RAX2: variants seen among roughly 807,000 people sequenced by gnomAD.
RAX2 encodes the protein retina and anterior neural fold homeobox protein 2.
A neutral mutation model predicts 5.8 loss-of-function variants in RAX2; 4 were observed. The observed-to-expected ratio is 0.69, with a 90% CI of 0.34 to 1.58. RAX2 has a LOEUF of 1.58. RAX2 is among the 40% of genes most tolerant of loss of function. RAX2 has a pLI of 0.05. For synonymous variants in RAX2, 133 were observed against 128.8 expected, an observed-to-expected ratio of 1.03 and a Z score of -0.22; for missense variants, 275 against 271.4, an observed-to-expected ratio of 1.01 and a Z score of -0.09.
rs887600199 is a variant in RAX2 at position 3,769,726 on chromosome 19, C to G, written c.*895G>C. Reference sequence around the variant, plus strand: ...AGCGGGTTCTCGGCCCCGCGACAGCCTCCTTGCTCAGAGCTCTTGGGCGAT... The same window carrying G: ...AGCGGGTTCTCGGCCCCGCGACAGCGTCCTTGCTCAGAGCTCTTGGGCGAT... On this transcript the variant is annotated 3_prime_UTR_variant, in exon 3 of 3. Transcript: ENST00000555633. The G allele has an allele frequency of 6.5e-6, 1 of 154,382 alleles. No individual in the cohort carries two copies. The highest frequency in any genetic ancestry group is 1.4e-5 in the Non-Finnish European group (1 of 69,772). 9.6% of individuals were successfully genotyped at this position (154,382 alleles called of 1,614,324 possible).
At chr19:3,772,031 G>C (rs1344020947) in intron 1 of RAX2, 21 bp from the exon 2 acceptor site, 8 of 347,856 alleles carry the variant, frequency 2.3e-5, no homozygotes, top group Non-Finnish European at 4.1e-5. Flanking sequence ...GTGTGTCGGC[G>C]GGGGGGGGTC....
At chr19:3,772,093 C>T (rs1032271311) in intron 1 of RAX2, 70 bp downstream of exon 1, 15 of 462,744 alleles carry the variant, frequency 3.2e-5, no homozygotes, top group Admixed American at 8.2e-5. Context: ...GCCCTAAGCC[C>T]TCCACCCTGA....
Position 3,770,501 on chromosome 19 carries a change from G to T in RAX2, c.*120C>A. ...CTGGTCCCGCTCCCCAGTGGTGGTG[G>T]CCTGGCCTGACCACGGTTGCTCCAT... On this transcript the variant is annotated 3_prime_UTR_variant, in exon 3 of 3. Transcript: ENST00000555633. 1.2e-6 allele frequency: 1 copy of T among 860,128 alleles called. No individual in the cohort carries two copies. The highest frequency in any genetic ancestry group is 1.8e-6 in the Non-Finnish European group (1 of 568,936). The allele number at this position is 860,128 out of a possible 1,614,324, so 53.3% of individuals were successfully genotyped here. A position where few individuals can be genotyped will look rare whatever the true frequency, so the allele number is the denominator to read the frequency against.
chr19:3,771,421 G>A lies in RAX2; in HGVS notation c.216+106C>T. The A allele has an allele frequency of 1.1e-6, 1 of 920,750 alleles. No individual in the cohort carries two copies. The highest frequency in any genetic ancestry group is 1.4e-5 in the South Asian group (1 of 70,220). The allele number at this position is 920,750 out of a possible 1,614,324, so 57.0% of individuals were successfully genotyped here. ...TCAGCTCCCACACCCCCTCCTCCAG[G>A]AAGCCTTCCTAGCTTCTCTTCTGCT... On this transcript the variant is annotated intron_variant, in intron 2 of 2. Coordinates refer to ENST00000555633, the MANE Select transcript of RAX2 (RefSeq NM_001319074.4). The surrounding 1 kb of genome is among the most constrained non-coding windows in gnomAD (Gnocchi z 4.2).
rs1178230926 is a variant in RAX2, at chr19:3,772,174, G to A, written c.-280C>T. ...CACCCCGCACTCACCGCCCACGGCA[G>A]CCCCTCCGTCGATTTCCACGGGACA... is the stretch of plus-strand genomic sequence containing the variant. On this transcript the variant is annotated 5_prime_UTR_variant, in exon 1 of 3. Coordinates refer to ENST00000555633, the MANE Select transcript of RAX2 (RefSeq NM_001319074.4). 2.2e-5 allele frequency: 10 copies of A among 457,612 alleles called. No individual in the cohort carries two copies. The highest frequency in any genetic ancestry group is 3.9e-5 in the Non-Finnish European group (9 of 229,664). 28.3% of individuals were successfully genotyped at this position (457,612 alleles called of 1,614,324 possible). A position where few individuals can be genotyped will look rare whatever the true frequency, so the allele number is the denominator to read the frequency against.
In RAX2 at chr19:3,771,747, C is replaced by T; in HGVS notation, c.-5G>A. 6.3e-7 allele frequency: 1 copy of T among 1,595,124 alleles called. No individual in the cohort carries two copies. The highest frequency in any genetic ancestry group is 1.1e-5 in the South Asian group (1 of 89,686). On this transcript the variant is annotated 5_prime_UTR_variant, in exon 2 of 3. Coordinates refer to ENST00000555633, the MANE Select transcript of RAX2 (RefSeq NM_001319074.4). This position sits in a 1 kb window ranked among gnomAD's most constrained non-coding sequence, Gnocchi z 4.2. ...CTCGCCCGGGCTCAGGAACATGGCT[C>T]CCACCTGGTGGGACGGCAGCGGGAC...
At chr19:3,772,056 G>A (rs1168677009) in intron 1 of RAX2, 46 bp from the exon 2 acceptor site, 62 of 445,734 alleles carry the variant, frequency 1.4e-4, no homozygotes, top group Non-Finnish European at 1.8e-4. Flanking sequence ...ATGCCCCCCC[G>A]TCAAGGAAGG....
In RAX2 at chr19:3,771,703, C is replaced by T; in HGVS notation, c.40G>A (p.Gly14Arg). Reference protein sequence around the residue: ...SPGEGPATEGGGLGPGEEAPK... With the variant: ...SPGEGPATEGRGLGPGEEAPK... The stretch of plus-strand genomic sequence containing the variant: ...GCCTCCTCGCCCGGCCCCAGACCCC[C>T]ACCCTCGGTTGCCGGCCCCTCGCCC... Residue 14 changes from glycine (G) to arginine (R), a missense_variant, in exon 2 of 3, where the codon GGG (glycine) becomes AGG (arginine). Gly to Arg is a moderately radical substitution (Grantham distance 125). Transcript: ENST00000555633. This position sits in a 1 kb window ranked among gnomAD's most constrained non-coding sequence, Gnocchi z 4.2. The T allele has an allele frequency of 6.2e-7, 1 of 1,611,000 alleles. No individual in the cohort carries two copies. The highest frequency in any genetic ancestry group is 8.5e-7 in the Non-Finnish European group (1 of 1,179,616).
In RAX2 at chr19:3,771,075, C is replaced by A. The variant is rs775870738; in HGVS notation, c.217-116G>T. On this transcript the variant is annotated intron_variant, in intron 2 of 2. Transcript: ENST00000555633. This position sits in a 1 kb window ranked among gnomAD's most constrained non-coding sequence, Gnocchi z 4.2. ...GTTCTGACTCCCGTCTGACCCGACT[C>A]CTACCTGCTGCTTCGCTGTTCTGCC... is the stretch of plus-strand genomic sequence containing the variant. 142 of 770,952 alleles carry A rather than the reference C, an allele frequency of 1.8e-4. No homozygotes were observed. The highest frequency in any genetic ancestry group is 2.8e-4 in the Non-Finnish European group (132 of 465,174). The allele number at this position is 770,952 out of a possible 1,614,324, so 47.8% of individuals were successfully genotyped here. A position where few individuals can be genotyped will look rare whatever the true frequency, so the allele number is the denominator to read the frequency against.
At position 3,771,939 on chromosome 19, in the gene RAX2, T is replaced by G. The variant is rs551943306; in HGVS notation, c.-197A>C. 403 of 956,226 alleles carry G rather than the reference T, an allele frequency of 4.2e-4. 3 individuals are homozygous for G. The African/African-American group carries it at 6.2e-3, about 15-fold the overall frequency. The allele number at this position is 956,226 out of a possible 1,614,324, so 59.2% of individuals were successfully genotyped here. ...TTGGGGGGGTCTCCTGCTGTGCCTC[T>G]GTCTGCTCTTCCTTCTCTCTGTGTG... is the stretch of plus-strand genomic sequence containing the variant. On this transcript the variant is annotated 5_prime_UTR_variant, in exon 2 of 3. Transcript: ENST00000555633. This position sits in a 1 kb window ranked among gnomAD's most constrained non-coding sequence, Gnocchi z 4.2.
rs1020669654 is a variant in RAX2, at chr19:3,771,883, G to A, written c.-141C>T. 2.1e-6 allele frequency: 3 copies of A among 1,435,862 alleles called. No individual in the cohort carries two copies. The highest frequency in any genetic ancestry group is 1.4e-5 in the African/African-American group (1 of 70,104). 88.9% of individuals were successfully genotyped at this position (1,435,862 alleles called of 1,614,324 possible). A position where few individuals can be genotyped will look rare whatever the true frequency, so the allele number is the denominator to read the frequency against. ...GTTCCCTCCACTGGGGCCGGCATGC[G>A]CTCTGCATCCCCAGGCTGTCCTCCT... On this transcript the variant is annotated 5_prime_UTR_variant, in exon 2 of 3. Transcript: ENST00000555633. This position sits in a 1 kb window ranked among gnomAD's most constrained non-coding sequence, Gnocchi z 4.2.
chr19:3,770,573 C>T lies in RAX2; in HGVS notation c.*48G>A. 1 of 1,499,704 alleles carries T rather than the reference C, an allele frequency of 6.7e-7. No individual in the cohort carries two copies. Among genetic ancestry groups the T allele is most frequent in the Non-Finnish European group, 8.9e-7 (1 of 1,120,118 alleles). 92.9% of individuals were successfully genotyped at this position (1,499,704 alleles called of 1,614,324 possible). On this transcript the variant is annotated 3_prime_UTR_variant, in exon 3 of 3. Coordinates refer to ENST00000555633, the MANE Select transcript of RAX2 (RefSeq NM_001319074.4). Reference sequence around the variant, plus strand: ...GTGGTGGCTGTCACCAGGGCACGTCCCCGGTTCTCGGGTTGGGCCGAGGAG... The same window carrying T: ...GTGGTGGCTGTCACCAGGGCACGTCTCCGGTTCTCGGGTTGGGCCGAGGAG...
Position 3,771,472 on chromosome 19 carries a change from G to T in RAX2, c.216+55C>A. 7.1e-7 allele frequency: 1 copy of T among 1,410,818 alleles called. No homozygotes were observed. Among genetic ancestry groups the T allele is most frequent in the Non-Finnish European group, 9.8e-7 (1 of 1,020,622 alleles). 87.4% of individuals were successfully genotyped at this position (1,410,818 alleles called of 1,614,324 possible). On this transcript the variant is annotated intron_variant, in intron 2 of 2. Transcript: ENST00000555633. This position sits in a 1 kb window ranked among gnomAD's most constrained non-coding sequence, Gnocchi z 4.2. ...GTTGCTCCGGGAGGGTCAGGATCTTGCTTTGCCTCCCTCCCCAGGTTGCAA... is the reference window on the plus strand; with the variant it reads ...GTTGCTCCGGGAGGGTCAGGATCTTTCTTTGCCTCCCTCCCCAGGTTGCAA...
At position 3,771,507 on chromosome 19, in the gene RAX2, G is replaced by T; in HGVS notation, c.216+20C>A. ...CCTCCCCAGGTTGCAAAAGATGTGTGTGTTGGGGGGTGCCCTCACCTGCAC... is the reference window on the plus strand; with the variant it reads ...CCTCCCCAGGTTGCAAAAGATGTGTTTGTTGGGGGGTGCCCTCACCTGCAC... On this transcript the variant is annotated intron_variant, in intron 2 of 2. Coordinates refer to ENST00000555633, the MANE Select transcript of RAX2 (RefSeq NM_001319074.4). This position sits in a 1 kb window ranked among gnomAD's most constrained non-coding sequence, Gnocchi z 4.2. 6.4e-7 allele frequency: 1 copy of T among 1,563,022 alleles called. No individual in the cohort carries two copies. Among genetic ancestry groups the T allele is most frequent in the Non-Finnish European group, 8.7e-7 (1 of 1,150,534 alleles).
chr19:3,770,975 G>A lies in RAX2; in HGVS notation c.217-16C>T, dbSNP rs1321549398. On this transcript the variant is annotated splice_polypyrimidine_tract_variant and intron_variant, in intron 2 of 2. Transcript: ENST00000555633. ...GGAACCACACCTGGAGGGTGCGAGA[G>A]GGAAGGGGGGTTGCTGTGAGCTCAG... 2.6e-6 allele frequency: 4 copies of A among 1,539,102 alleles called. No homozygotes were observed. Among genetic ancestry groups the A allele is most frequent in the African/African-American group, 1.4e-5 (1 of 73,838 alleles).
chr19:3,770,239 T>C lies in RAX2; in HGVS notation c.*382A>G, dbSNP rs992623473. The C allele has an allele frequency of 7.2e-6, 2 of 277,566 alleles. No homozygotes were observed. Among genetic ancestry groups the C allele is most frequent in the Non-Finnish European group, 1.4e-5 (2 of 147,192 alleles). The allele number at this position is 277,566 out of a possible 1,614,324, so 17.2% of individuals were successfully genotyped here. On this transcript the variant is annotated 3_prime_UTR_variant, in exon 3 of 3. Coordinates refer to ENST00000555633, the MANE Select transcript of RAX2 (RefSeq NM_001319074.4). ...AGAAGCAGAGAGATTTACACTCATCTTACAGAGTCAGCGGTCCCGCCACCC... is the reference window on the plus strand; with the variant it reads ...AGAAGCAGAGAGATTTACACTCATCCTACAGAGTCAGCGGTCCCGCCACCC...
At position 3,770,863 on chromosome 19, in the gene RAX2, C is replaced by T; in HGVS notation, c.313G>A (p.Ala105Thr). 2.0e-6 allele frequency: 3 copies of T among 1,533,798 alleles called. No homozygotes were observed. Among genetic ancestry groups the T allele is most frequent in the Non-Finnish European group, 2.6e-6 (3 of 1,146,152 alleles). Residue 105 changes from alanine (A) to threonine (T), a missense_variant, in exon 3 of 3, where the codon GCG becomes ACG. Coordinates refer to ENST00000555633, the MANE Select transcript of RAX2 (RefSeq NM_001319074.4). ...VAAPRLPEAP[A>T]LPFARPPAMS... is the part of the protein sequence containing the mutation. ...GCCGGGGGGCGGGCGAACGGCAGCGCTGGGGCCTCGGGGAGTCTCGGAGCT... is the reference window on the plus strand; with the variant it reads ...GCCGGGGGGCGGGCGAACGGCAGCGTTGGGGCCTCGGGGAGTCTCGGAGCT...
chr19:3,771,661 G>C lies in RAX2; in HGVS notation c.82C>G (p.Arg28Gly). Reference sequence around the variant, plus strand: ...GTGGTGAAGGTGGTGCGGTTCCTCCGGTGCTTCTTCTTGGGGGCCTCCTCG... The same window carrying C: ...GTGGTGAAGGTGGTGCGGTTCCTCCCGTGCTTCTTCTTGGGGGCCTCCTCG... ...PGEEAPKKKHRRNRTTFTTYQ... is the reference protein window; with the variant it reads ...PGEEAPKKKHGRNRTTFTTYQ... The change falls in exon 2 of 3, where the codon CGG (arginine) becomes GGG (glycine). Residue 28 changes from arginine (R) to glycine (G), a missense_variant. Coordinates refer to ENST00000555633, the MANE Select transcript of RAX2 (RefSeq NM_001319074.4). The surrounding 1 kb of genome is among the most constrained non-coding windows in gnomAD (Gnocchi z 4.2). 1 of 1,613,406 alleles carries C rather than the reference G, an allele frequency of 6.2e-7. No individual in the cohort carries two copies.
rs1248680380 is a variant in RAX2 at position 3,771,958 on chromosome 19, C to G, written c.-216G>C. On this transcript the variant is annotated 5_prime_UTR_variant, in exon 2 of 3. Transcript: ENST00000555633. This position sits in a 1 kb window ranked among gnomAD's most constrained non-coding sequence, Gnocchi z 4.2. Reference sequence around the variant, plus strand: ...TGCCTCTGTCTGCTCTTCCTTCTCTCTGTGTGTGTCACCGTCCCTGTTTTC... The same window carrying G: ...TGCCTCTGTCTGCTCTTCCTTCTCTGTGTGTGTGTCACCGTCCCTGTTTTC... 2.3e-5 allele frequency: 19 copies of G among 810,812 alleles called. No individual in the cohort carries two copies. The highest frequency in any genetic ancestry group is 3.0e-5 in the Non-Finnish European group (16 of 531,018). The allele number at this position is 810,812 out of a possible 1,614,324, so 50.2% of individuals were successfully genotyped here.
Sources: allele counts gnomAD v4.1 joint callset, GRCh38; gene constraint gnomAD v4.1.1; non-coding constraint Gnocchi (gnomAD v3.1); transcripts MANE v1.5; gene names NCBI Gene and HGNC (gene_info 2026-07-23, HGNC 2026-07-21).